Variants in DNAAF11 observed in about 807,000 individuals in gnomAD.
The protein encoded by DNAAF11 is leucine rich repeat containing 6.
In DNAAF11, 45 loss-of-function variants were observed where a neutral mutation model predicts 60.8. The observed-to-expected ratio is 0.74, with a 90% CI of 0.58 to 0.95. The LOEUF (loss-of-function observed/expected upper bound fraction) is 0.95, where lower values mean the gene tolerates loss of function less well. Among genes scored for constraint, DNAAF11 ranks in the 40% least tolerant of loss-of-function variants. The pLI is 0.00. For missense variants in DNAAF11, 546 were observed against 546.2 expected (o/e 1.00, Z 0.00); for synonymous variants, 191 against 183.5 (o/e 1.04, Z -0.33).
At position 132,632,889 on chromosome 8, in the gene DNAAF11, T is replaced by A. The variant is rs759683541; in HGVS notation, c.504A>T (p.Gln168His). ...ALQDYSVIEP[Q>H]IREQEKDHCL... Reference sequence around the variant, plus strand: ...AGTGATCTTTTTCCTGCTCTCTGATTTGTGGTTCAATTACTGAATAGTCCT... The same window carrying A: ...AGTGATCTTTTTCCTGCTCTCTGATATGTGGTTCAATTACTGAATAGTCCT... Residue 168 changes from glutamine (Q) to histidine (H), a missense_variant, in exon 5 of 12, where the codon CAA (glutamine) becomes CAT (histidine). Gln to His is a conservative substitution (Grantham distance 24, BLOSUM62 0). Transcript: ENST00000620350. 6.2e-7 allele frequency: 1 copy of A among 1,613,882 alleles called. No homozygotes were observed.
At chr8:132,573,365 G>A (rs951949280) in intron 11 of DNAAF11, among the ~76,000 whole-genome samples, 20 of 152,100 alleles carry the variant, frequency 1.3e-4, no homozygotes, top group African/African-American at 4.6e-4. Context: ...GGGAAACCAC[G>A]GTCTGTGCAA....
At chr8:132,619,803 C>G (rs1232870084) in intron 7 of DNAAF11, among the ~76,000 whole-genome samples, 1 of 152,070 alleles carries the variant, frequency 6.6e-6, no homozygotes, top group Non-Finnish European at 1.5e-5. Context: ...GTGCAGAAGA[C>G]CAAGGATAAC....
chr8:132,619,733 A>C (rs542455871), intron 7 of DNAAF11, among the ~76,000 whole-genome samples: 99 of 152,336 alleles, frequency 6.5e-4, no homozygotes, highest in Non-Finnish European at 1.1e-3. Context: ...GTTTAAGACA[A>C]AGATTTTTAG....
chr8:132,688,946 G>T, the DNAAF11 span, among the ~76,000 whole-genome samples: 3 of 152,218 alleles, frequency 2.0e-5, no homozygotes, highest in Admixed American at 6.5e-5. Flanking sequence ...GAAACTAAGA[G>T]TGTTTTGCCA....
At chr8:132,622,470 A>T in intron 7 of DNAAF11, 141 bp downstream of exon 7, 1 of 604,578 alleles carries the variant, frequency 1.7e-6, no homozygotes, top group Non-Finnish European at 2.9e-6. Context: ...GCACCAAATG[A>T]CATTATTTTT....
At position 132,623,140 on chromosome 8, in the gene DNAAF11, T is replaced by C. The variant is rs775336437; in HGVS notation, c.837-452A>G. ...AAATAAAAATACCAGCACAGAAGAATCTATATAAAAGGATATTTCTCACAG... is the reference window on the plus strand; with the variant it reads ...AAATAAAAATACCAGCACAGAAGAACCTATATAAAAGGATATTTCTCACAG... On this transcript the variant is annotated intron_variant, in intron 6 of 11. Coordinates refer to ENST00000620350, the MANE Select transcript of DNAAF11 (RefSeq NM_012472.6). Among the ~76,000 whole-genome samples the C allele has an allele frequency of 3.3e-5, 5 of 152,152 alleles. 1 individual carries two copies. Among genetic ancestry groups the C allele is most frequent in the South Asian group, 2.1e-4 (1 of 4,832 alleles).
intron 2 of DNAAF11, among the ~76,000 whole-genome samples, chr8:132,659,987 A>G (rs1316319713): frequency 6.6e-6 from 1 of 152,170 alleles, no homozygotes; most frequent in African/African-American, 2.4e-5. Context: ...GAACCACTGC[A>G]CATCATCACG....
chr8:132,681,897 C>A, the DNAAF11 span, among the ~76,000 whole-genome samples: 1 of 152,236 alleles, frequency 6.6e-6, no homozygotes, highest in South Asian at 2.1e-4. Context: ...GAGTCTCAAG[C>A]AAATTGCTTA....
intron 8 of DNAAF11, 129 bp from the exon 9 acceptor site, chr8:132,611,492 C>T: frequency 1.9e-6 from 1 of 520,786 alleles, no homozygotes; most frequent in East Asian, 3.0e-5. Context: ...CAAAATGGGT[C>T]TTTAAAAAAT....
At chr8:132,632,697 T>G in intron 5 of DNAAF11, 43 bp downstream of exon 5, 3 of 1,422,510 alleles carry the variant, frequency 2.1e-6, no homozygotes, top group Non-Finnish European at 3.0e-6. Context: ...GTTTGCTGCT[T>G]TTAACAAAAG....
At chr8:132,687,552 A>G in the DNAAF11 span, 1 of 455,024 alleles carries the variant, frequency 2.2e-6, no homozygotes. Context: ...TTCCGTCATC[A>G]GAAGGCGGAC....
intron 11 of DNAAF11, among the ~76,000 whole-genome samples, chr8:132,575,280 G>T (rs1044340172): frequency 1.3e-5 from 2 of 152,188 alleles, no homozygotes; most frequent in Non-Finnish European, 2.9e-5. Context: ...AAGATCAAAT[G>T]AGTTCATCCA....
chr8:132,653,411 G>T (rs777377420), intron 3 of DNAAF11, among the ~76,000 whole-genome samples: 6 of 151,996 alleles, frequency 3.9e-5, no homozygotes, highest in Non-Finnish European at 7.4e-5. Flanking sequence ...AGGCTGAAAT[G>T]AAAAGACACT....
intron 10 of DNAAF11, 85 bp from the exon 11 acceptor site, chr8:132,583,864 T>C: frequency 1.1e-6 from 1 of 899,002 alleles, no homozygotes; most frequent in Non-Finnish European, 1.8e-6. Flanking sequence ...TTTTAAAAGA[T>C]ACTAAAACAT....
chr8:132,701,523 A>C, the DNAAF11 span, among the ~76,000 whole-genome samples: 86,131 of 151,962 alleles, frequency 0.57, 27,499 homozygotes, highest in African/African-American at 0.88. Context: ...GGAGTTGTCT[A>C]CATCTTGACT....
At chr8:132,618,759 C>T (rs1223730873) in intron 7 of DNAAF11, among the ~76,000 whole-genome samples, 12 of 152,060 alleles carry the variant, frequency 7.9e-5, no homozygotes, top group Admixed American at 1.3e-4. Flanking sequence ...TACCATCTCA[C>T]GCCAGTTAGA....
chr8:132,657,138 T>G (rs1823659534), intron 2 of DNAAF11, among the ~76,000 whole-genome samples: 1 of 152,138 alleles, frequency 6.6e-6, no homozygotes, highest in Non-Finnish European at 1.5e-5. Flanking sequence ...TGTCTTTACC[T>G]AGCCCTAACT....
intron 6 of DNAAF11, among the ~76,000 whole-genome samples, chr8:132,623,082 C>T (rs1819919064): frequency 6.6e-6 from 1 of 152,156 alleles, no homozygotes; most frequent in Admixed American, 6.5e-5. Flanking sequence ...TAAAATACAA[C>T]ATTTAACATA....
At chr8:132,653,105 G>A (rs1823188581) in intron 3 of DNAAF11, among the ~76,000 whole-genome samples, 1 of 152,008 alleles carries the variant, frequency 6.6e-6, no homozygotes, top group African/African-American at 2.4e-5. Flanking sequence ...AGGTCAAAAG[G>A]CACAAAAGAT....
Sources: gnomAD v4.1 joint callset for allele counts (sites outside exome capture counted in the v4.1 genomes callset) on GRCh38, gnomAD v4.1.1 for gene constraint, MANE v1.5 for transcripts, NCBI Gene and HGNC (gene_info 2026-07-23, HGNC 2026-07-21) for gene names.